GLI3: variants seen among roughly 807,000 people sequenced by gnomAD.
The protein encoded by GLI3 is transcription activator GLI3.
GLI3 carries 20 observed loss-of-function variants against 100.8 expected under a neutral mutation model. The ratio of observed to expected loss-of-function variants is 0.20; its 90% CI spans 0.14 to 0.29. The LOEUF is 0.29. Among genes scored for constraint, GLI3 ranks in the 10% least tolerant of loss-of-function variants. The pLI is 1.00. For missense variants in GLI3, 2,040 were observed against 2,128.5 expected (o/e 0.96, Z 0.82); for synonymous variants, 938 against 860.5 (o/e 1.09, Z -1.58).
At chr7:42,112,319 C>T (rs2128766988) in intron 3 of GLI3, among the ~76,000 whole-genome samples, 1 of 152,114 alleles carries the variant, frequency 6.6e-6, no homozygotes, top group African/African-American at 2.4e-5. Context: ...ACCTACTTAG[C>T]TTTATTTGGT....
intron 3 of GLI3, among the ~76,000 whole-genome samples, chr7:42,142,863 C>T (rs1479383198): frequency 3.4e-5 from 5 of 146,202 alleles, no homozygotes; most frequent in South Asian, 4.5e-4. Context: ...GACATGAACC[C>T]GGGAGGCGGA....
intron 2 of GLI3, among the ~76,000 whole-genome samples, chr7:42,214,157 T>C (rs1157849781): frequency 6.6e-6 from 1 of 152,206 alleles, no homozygotes; most frequent in Non-Finnish European, 1.5e-5. Context: ...TCAGTCTCGT[T>C]TTAGCAAATT....
intron 5 of GLI3, among the ~76,000 whole-genome samples, chr7:42,047,941 A>G (rs1784277652): frequency 6.6e-6 from 1 of 152,140 alleles, no homozygotes; most frequent in South Asian, 2.1e-4. Flanking sequence ...CTCAGGCCCC[A>G]CCTGATCCCA....
At chr7:42,109,067 A>G (rs1431352556) in intron 3 of GLI3, among the ~76,000 whole-genome samples, 4 of 152,134 alleles carry the variant, frequency 2.6e-5, no homozygotes, top group African/African-American at 7.2e-5. Flanking sequence ...CCATCAATGC[A>G]TCTTAGCGCT....
chr7:42,095,352 T>C (rs1785316119), intron 3 of GLI3, among the ~76,000 whole-genome samples: 1 of 152,172 alleles, frequency 6.6e-6, no homozygotes, highest in Non-Finnish European at 1.5e-5. Flanking sequence ...TCAGGGCTCC[T>C]ACACCATGCA....
intron 1 of GLI3, among the ~76,000 whole-genome samples, chr7:42,233,855 G>C (rs1214886365): frequency 6.6e-6 from 1 of 152,158 alleles, no homozygotes; most frequent in South Asian, 2.1e-4. Flanking sequence ...GTCATTATTA[G>C]AGTGGAACCT....
In GLI3 at chr7:41,972,398, T is replaced by G; in HGVS notation, c.2042A>C (p.Asn681Thr). 6.2e-7 allele frequency: 1 copy of G among 1,614,082 alleles called. No individual in the cohort carries two copies. Among genetic ancestry groups the G allele is most frequent in the Non-Finnish European group, 8.5e-7 (1 of 1,180,008 alleles). The stretch of plus-strand genomic sequence containing the variant: ...GCATTCTTCCCGCTTTGAGGTAGTG[T>G]TGCTGAGGTCCTGCTGCTCACCAAG... ...GALGEQQDLS[N>T]TTSKREECLQ... The change falls in exon 13 of 15, where the codon AAC becomes ACC. Residue 681 changes from asparagine (N) to threonine (T), a missense_variant. Asn to Thr is a moderately conservative substitution (Grantham distance 65). Around this residue, in one of 5 missense-constraint regions of GLI3, gnomAD observed 327 missense variants for 338.7 expected, o/e 0.97. Transcript: ENST00000395925. The surrounding 1 kb of genome is among the most constrained non-coding windows in gnomAD (Gnocchi z 4.4).
intron 3 of GLI3, among the ~76,000 whole-genome samples, chr7:42,129,585 G>A (rs1786220812): frequency 6.6e-6 from 1 of 151,996 alleles, no homozygotes; most frequent in African/African-American, 2.4e-5. Flanking sequence ...CCGAGGCGGG[G>A]GGATCACGAG....
chr7:42,133,384 T>C (rs1440668661), intron 3 of GLI3, among the ~76,000 whole-genome samples: 1 of 152,064 alleles, frequency 6.6e-6, no homozygotes, highest in African/African-American at 2.4e-5. Flanking sequence ...TGCCTCCAAG[T>C]TCATTTACTT....
intron 2 of GLI3, among the ~76,000 whole-genome samples, chr7:42,181,579 T>C (rs908980591): frequency 6.6e-6 from 1 of 152,162 alleles, no homozygotes; most frequent in Non-Finnish European, 1.5e-5. Flanking sequence ...CATTCTAGCC[T>C]GGGTGCCAAA....
At chr7:42,032,544 A>ATTAATTTTATC in intron 7 of GLI3, among the ~76,000 whole-genome samples, 1 of 152,336 alleles carries the variant, frequency 6.6e-6, no homozygotes, top group East Asian at 1.9e-4. Context: ...TATTCAAATC[A>ATTAATTTTATC]AATGGATAAA....
In GLI3 at chr7:41,966,720, T is replaced by C; in HGVS notation, c.2432-79A>G. The C allele has an allele frequency of 6.8e-7, 1 of 1,463,964 alleles. No homozygotes were observed. Among genetic ancestry groups the C allele is most frequent in the East Asian group, 2.3e-5 (1 of 44,160 alleles). 90.7% of individuals were successfully genotyped at this position (1,463,964 alleles called of 1,614,324 possible). A position where few individuals can be genotyped will look rare whatever the true frequency, so the allele number is the denominator to read the frequency against. ...ACTTACACCAGGCATGAGCAACCCTTTTCTGTAAAGGGCCAGCTAGGAACT... is the reference window on the plus strand; with the variant it reads ...ACTTACACCAGGCATGAGCAACCCTCTTCTGTAAAGGGCCAGCTAGGAACT... On this transcript the variant is annotated intron_variant, in intron 14 of 14. Coordinates refer to ENST00000395925, the MANE Select transcript of GLI3 (RefSeq NM_000168.6). This position sits in a 1 kb window ranked among gnomAD's most constrained non-coding sequence, Gnocchi z 5.8.
intron 2 of GLI3, among the ~76,000 whole-genome samples, chr7:42,202,672 A>G (rs1277731910): frequency 6.6e-6 from 1 of 152,176 alleles, no homozygotes; most frequent in Non-Finnish European, 1.5e-5. Context: ...ATGGGCTGAG[A>G]GCAGCCAGGT....
chr7:42,045,237 G>T (rs1315216468), intron 6 of GLI3, 147 bp downstream of exon 6: 7 of 839,406 alleles, frequency 8.3e-6, no homozygotes, highest in Non-Finnish European at 1.4e-5. Context: ...GAAAACGAAG[G>T]GAACCAGAGC....
rs1787406386 is a variant in GLI3, at chr7:41,972,986, T to A, written c.1813-359A>T. ...ATGATGATGATGATGATGATGACGATGACTATGAAGATGGCTTAAAAGACA... is the reference window on the plus strand; with the variant it reads ...ATGATGATGATGATGATGATGACGAAGACTATGAAGATGGCTTAAAAGACA... On this transcript the variant is annotated intron_variant, in intron 12 of 14. Transcript: ENST00000395925. The surrounding 1 kb of genome is among the most constrained non-coding windows in gnomAD (Gnocchi z 4.4). Among the ~76,000 whole-genome samples, 1 of 152,110 alleles carries A rather than the reference T, an allele frequency of 6.6e-6. No homozygotes were observed. Among genetic ancestry groups the A allele is most frequent in the Admixed American group, 6.5e-5 (1 of 15,270 alleles).
chr7:42,175,721 T>C (rs73094369), intron 2 of GLI3, among the ~76,000 whole-genome samples: 2,750 of 152,204 alleles, frequency 0.018, 40 homozygotes, highest in Non-Finnish European at 0.03. Flanking sequence ...TAAAAACCAT[T>C]AACTCTATAT....
chr7:42,150,019 C>T (rs1398316687), intron 2 of GLI3: 1 of 152,174 alleles, frequency 6.6e-6, no homozygotes, highest in Non-Finnish European at 1.5e-5. Flanking sequence ...ATATTCCTTA[C>T]CTTAGCAAAT....
intron 1 of GLI3, among the ~76,000 whole-genome samples, chr7:42,255,347 G>A (rs1383941078): frequency 6.6e-6 from 1 of 152,062 alleles, no homozygotes; most frequent in African/African-American, 2.4e-5. Flanking sequence ...TGCATTCCAT[G>A]AAATTTATCC....
intron 10 of GLI3, among the ~76,000 whole-genome samples, chr7:41,987,784 T>C (rs1787872299): frequency 1.3e-5 from 2 of 152,228 alleles, no homozygotes; most frequent in Admixed American, 1.3e-4. Flanking sequence ...CACTGTTAAT[T>C]CAGAATCTCT....
Sources: gnomAD v4.1 joint callset for allele counts (sites outside exome capture counted in the v4.1 genomes callset) on GRCh38, gnomAD v4.1.1 for gene constraint, gnomAD v4.1.1 regional missense constraint, Gnocchi (gnomAD v3.1) non-coding constraint, MANE v1.5 for transcripts, NCBI Gene and HGNC (gene_info 2026-07-23, HGNC 2026-07-21) for gene names.